The following ELOVL5 variants were observed in gnomAD, a reference collection of about 807,000 sequenced individuals.
ELOVL5 encodes ELOVL fatty acid elongase 5, also known as very long chain fatty acid elongase 5.
ELOVL5 carries 8 observed loss-of-function variants against 38.6 expected under a neutral mutation model. The ratio of observed to expected loss-of-function variants is 0.21; its 90% confidence interval spans 0.12 to 0.37. The LOEUF is 0.37. Ranked by LOEUF, ELOVL5 falls within the 10% of genes least tolerant of loss-of-function variation. The probability of loss-of-function intolerance (pLI) is 1.00; values close to 1 mark genes in which losing one functional copy is unlikely to be tolerated. For missense variants in ELOVL5, 280 were observed against 367.8 expected (o/e 0.76, Z 1.95); for synonymous variants, 127 against 133.7 (o/e 0.95, Z 0.34).
chr6:53,335,142 G>GA (rs1768996612), intron 1 of ELOVL5, among the ~76,000 whole-genome samples: 1 of 152,154 alleles, frequency 6.6e-6, no homozygotes, highest in South Asian at 2.1e-4. Flanking sequence ...CTATGTAGCT[G>GA]AAGCCACCAT....
chr6:53,292,894 T>C (rs1002528525), intron 2 of ELOVL5, among the ~76,000 whole-genome samples: 1 of 152,190 alleles, frequency 6.6e-6, no homozygotes, highest in African/African-American at 2.4e-5. Context: ...AGTAGTAGCA[T>C]GAGAGCGAAG....
chr6:53,296,057 G>A (rs755354666), intron 1 of ELOVL5, among the ~76,000 whole-genome samples: 1 of 152,080 alleles, frequency 6.6e-6, no homozygotes, highest in Non-Finnish European at 1.5e-5. Context: ...GATCCTGTCT[G>A]GGCAACAACT....
At chr6:53,279,376 C>CTAGA (rs1766271434) in intron 3 of ELOVL5, among the ~76,000 whole-genome samples, 1 of 152,230 alleles carries the variant, frequency 6.6e-6, no homozygotes, top group Non-Finnish European at 1.5e-5. Context: ...CCCTTGAGCA[C>CTAGA]TAGAGCCTGA....
chr6:53,316,781 C>T lies in ELOVL5; in HGVS notation c.-8-21074G>A, dbSNP rs74630495. ...TGTAGTGAGTGAGGAAGCATGGGGG[C>T]TGCGGGTGTGTGAGGGGTGGCAAGC... On this transcript the variant is annotated intron_variant, in intron 1 of 7. Transcript: ENST00000304434. Among the ~76,000 whole-genome samples the T allele has an allele frequency of 1.7e-4, 25 of 150,444 alleles. No individual in the cohort carries two copies. The East Asian group carries it at 4.7e-3, about 28-fold the overall frequency.
intron 1 of ELOVL5, among the ~76,000 whole-genome samples, chr6:53,296,097 A>G (rs1430697509): frequency 2.6e-5 from 4 of 152,196 alleles, no homozygotes; most frequent in Non-Finnish European, 5.9e-5. Context: ...AGGAAGAGCC[A>G]TATCAGGGAA....
intron 1 of ELOVL5, among the ~76,000 whole-genome samples, chr6:53,341,108 G>C (rs1461921916): frequency 6.6e-6 from 1 of 152,158 alleles, no homozygotes; most frequent in African/African-American, 2.4e-5. Flanking sequence ...ACAATTGTAA[G>C]CTATTCAGTG....
intron 1 of ELOVL5, among the ~76,000 whole-genome samples, chr6:53,299,676 A>G (rs771345005): frequency 1.6e-4 from 24 of 152,352 alleles, no homozygotes; most frequent in Admixed American, 4.6e-4. Context: ...GTTACAAGCC[A>G]TCTGTCCCAA....
intron 1 of ELOVL5, among the ~76,000 whole-genome samples, chr6:53,301,071 T>C (rs187149610): frequency 2.6e-5 from 4 of 152,294 alleles, no homozygotes; most frequent in Non-Finnish European, 5.9e-5. Context: ...GGCTGAGCTA[T>C]ACTCTTTTGT....
intron 1 of ELOVL5, among the ~76,000 whole-genome samples, chr6:53,303,041 T>C (rs536928901): frequency 5.1e-4 from 78 of 152,310 alleles, no homozygotes; most frequent in African/African-American, 1.8e-3. Context: ...TCGTTAACGT[T>C]AGGCAGGCAT....
At chr6:53,324,691 A>AAAAAC (rs70980840) in intron 1 of ELOVL5, among the ~76,000 whole-genome samples, 2 of 118,060 alleles carry the variant, frequency 1.7e-5, no homozygotes, top group African/African-American at 7.3e-5. Flanking sequence ...AAAAAAAAAA[A>AAAAAC]GGAAAAGAAA....
intron 1 of ELOVL5, among the ~76,000 whole-genome samples, chr6:53,308,397 G>A (rs758847046): frequency 5.9e-5 from 9 of 152,110 alleles, no homozygotes; most frequent in Admixed American, 1.3e-4. Flanking sequence ...CCATTTTATC[G>A]CTAGAGTGTC....
rs1561884054 is a variant in ELOVL5 at position 53,317,265 on chromosome 6, C to T, written c.-8-21558G>A. Among the ~76,000 whole-genome samples, 5 of 152,324 alleles carry T rather than the reference C, an allele frequency of 3.3e-5. No individual in the cohort carries two copies. In the South Asian group the frequency reaches 1.0e-3, roughly 32 times the overall value. On this transcript the variant is annotated intron_variant, in intron 1 of 7. Transcript: ENST00000304434. Reference sequence around the variant, plus strand: ...AAAGTGATTTCTCTCATCCCATTAACGTCTCTCCAAGAGAACCAGATAACC... The same window carrying T: ...AAAGTGATTTCTCTCATCCCATTAATGTCTCTCCAAGAGAACCAGATAACC...
chr6:53,303,488 T>C (rs1273750781), intron 1 of ELOVL5, among the ~76,000 whole-genome samples: 1 of 152,134 alleles, frequency 6.6e-6, no homozygotes, highest in Non-Finnish European at 1.5e-5. Flanking sequence ...AGTAACAAAC[T>C]CTTGTAATTC....
At position 53,347,146 on chromosome 6, in the gene ELOVL5, A is replaced by G. The variant is rs568801093; in HGVS notation, c.-9+1671T>C. Among the ~76,000 whole-genome samples the G allele has an allele frequency of 7.9e-5, 12 of 152,374 alleles. No individual in the cohort carries two copies. In the East Asian group the frequency reaches 2.3e-3, roughly 29 times the overall value. On this transcript the variant is annotated intron_variant, in intron 1 of 7. Transcript: ENST00000304434. ...GCTTTTCAGCAAAGTTCTGTACTAC[A>G]TTCTGTAACATTACCTATCTGTAAC...
chr6:53,269,302 T>C, intron 7 of ELOVL5, 32 bp from the exon 8 acceptor site: 2 of 1,425,848 alleles, frequency 1.4e-6, no homozygotes, highest in Non-Finnish European at 1.9e-6. Flanking sequence ...GAGAACCAAA[T>C]GACCACAGTT....
At chr6:53,301,217 G>T (rs1434629701) in intron 1 of ELOVL5, among the ~76,000 whole-genome samples, 1 of 152,134 alleles carries the variant, frequency 6.6e-6, no homozygotes, top group Non-Finnish European at 1.5e-5. Context: ...GGCCTCACTG[G>T]TGCGGTTTCC....
chr6:53,274,156 T>G (rs1766023217), intron 5 of ELOVL5, among the ~76,000 whole-genome samples: 1 of 152,172 alleles, frequency 6.6e-6, no homozygotes, highest in Non-Finnish European at 1.5e-5. Flanking sequence ...CTCTGAAAAT[T>G]TAAAGCACTC....
At chr6:53,300,731 T>C (rs1767216938) in intron 1 of ELOVL5, among the ~76,000 whole-genome samples, 1 of 152,164 alleles carries the variant, frequency 6.6e-6, no homozygotes, top group South Asian at 2.1e-4. Context: ...CCTTCTGTCC[T>C]CCACTCCGTC....
chr6:53,308,049 C>G (rs932693011), intron 1 of ELOVL5, among the ~76,000 whole-genome samples: 8 of 151,940 alleles, frequency 5.3e-5, no homozygotes, highest in Non-Finnish European at 7.4e-5. Context: ...TTAGTATTGC[C>G]TGAATTCATA....
Sources: gnomAD v4.1 joint callset for allele counts (sites outside exome capture counted in the v4.1 genomes callset) on GRCh38, gnomAD v4.1.1 for gene constraint, MANE v1.5 for transcripts, NCBI Gene and HGNC (gene_info 2026-07-23, HGNC 2026-07-21) for gene names.